The following TCF4 variants were observed in gnomAD, a reference collection of about 807,000 sequenced individuals.
TCF4 encodes the protein transcription factor 4.
TCF4 carries 3 observed loss-of-function variants against 82.1 expected under a neutral mutation model. The ratio of observed to expected loss-of-function variants is 0.04; its 90% CI spans 0.02 to 0.09. TCF4 has a LOEUF of 0.09. TCF4 is among the 10% of genes least tolerant of loss of function. TCF4 has a pLI of 1.00. For missense variants in TCF4, 518 were observed against 852.7 expected (o/e 0.61, Z 4.89); for synonymous variants, 276 against 309.6 (o/e 0.89, Z 1.14).
chr18:55,630,687 T>A lies in TCF4; in HGVS notation c.286+611A>T, dbSNP rs564189488. Among the ~76,000 whole-genome samples the A allele has an allele frequency of 9.2e-5, 14 of 152,350 alleles. No individual in the cohort carries two copies. In the South Asian group the frequency reaches 2.9e-3, roughly 32 times the overall value. On this transcript the variant is annotated intron_variant, in intron 2 of 20. Transcript: ENST00000398339. ...TATGCCTCTTTTCTTTTGGAGTTTA[T>A]AACCCCAAAGAGGAGGCTTTACCAA...
intron 8 of TCF4, among the ~76,000 whole-genome samples, chr18:55,349,289 T>C (rs1007820871): frequency 3.4e-4 from 51 of 152,168 alleles, no homozygotes; most frequent in African/African-American, 1.2e-3. Context: ...AATAATTGTT[T>C]GGATGAGCTG....
At chr18:55,322,405 G>C (rs1184543370) in intron 8 of TCF4, 3 of 1,003,834 alleles carry the variant, frequency 3.0e-6, no homozygotes, top group Non-Finnish European at 3.6e-6. Flanking sequence ...TCGGAGAAAG[G>C]GGAGGGAAAG....
intron 3 of TCF4, among the ~76,000 whole-genome samples, chr18:55,476,943 G>C (rs1024822358): frequency 1.3e-5 from 2 of 152,146 alleles, no homozygotes; most frequent in Admixed American, 6.5e-5. Flanking sequence ...GCATGTGCCT[G>C]TGTGTGTAAA....
chr18:55,552,750 G>T (rs891114740), intron 3 of TCF4, among the ~76,000 whole-genome samples: 2 of 152,220 alleles, frequency 1.3e-5, no homozygotes, highest in African/African-American at 4.8e-5. Context: ...GGACTGAACC[G>T]CAGCCTCCCC....
chr18:55,444,700 C>T (rs1226375553), intron 5 of TCF4, among the ~76,000 whole-genome samples: 1 of 152,218 alleles, frequency 6.6e-6, no homozygotes, highest in Non-Finnish European at 1.5e-5. Flanking sequence ...ACTCCCATGA[C>T]TTCAACTATG....
At chr18:55,281,115 A>T (rs548048179) in intron 8 of TCF4, among the ~76,000 whole-genome samples, 2 of 152,204 alleles carry the variant, frequency 1.3e-5, no homozygotes, top group African/African-American at 4.8e-5. Context: ...TGTAATTTTC[A>T]TCACATTTTA....
chr18:55,573,119 C>T (rs926304214), intron 3 of TCF4, among the ~76,000 whole-genome samples: 2 of 152,006 alleles, frequency 1.3e-5, no homozygotes, highest in African/African-American at 2.4e-5. Context: ...CCTGTACCCT[C>T]GCAGAATTGC....
intron 6 of TCF4, among the ~76,000 whole-genome samples, chr18:55,392,462 C>CAAAAAAA (rs772409228): frequency 1.0e-5 from 1 of 95,526 alleles, no homozygotes; most frequent in Admixed American, 1.2e-4. Flanking sequence ...AACAACCCCA[C>CAAAAAAA]AAAAAAAAAA....
intron 3 of TCF4, chr18:55,469,643 C>G (rs2096128625): frequency 6.6e-6 from 1 of 152,166 alleles, no homozygotes; most frequent in African/African-American, 2.4e-5. Flanking sequence ...CCACTTTGCT[C>G]TTGTGGTCAG....
chr18:55,232,788 T>C (rs1360512010), intron 16 of TCF4, 117 bp from the exon 17 acceptor site: 1 of 1,346,884 alleles, frequency 7.4e-7, no homozygotes, highest in African/African-American at 1.4e-5. Context: ...TCTGTCACTT[T>C]TTTTTCCCCC....
intron 8 of TCF4, among the ~76,000 whole-genome samples, chr18:55,314,726 C>T (rs551092494): frequency 4.6e-5 from 7 of 151,762 alleles, no homozygotes; most frequent in African/African-American, 1.2e-4. Flanking sequence ...AATACACACA[C>T]TAGATGGCTG....
At chr18:55,559,179 G>A (rs1360462856) in intron 3 of TCF4, among the ~76,000 whole-genome samples, 2 of 147,298 alleles carry the variant, frequency 1.4e-5, no homozygotes, top group East Asian at 2.0e-4. Context: ...GTAATTGTAA[G>A]TTAGACTTCT....
At chr18:55,430,132 A>G (rs901146376) in intron 5 of TCF4, among the ~76,000 whole-genome samples, 1 of 152,204 alleles carries the variant, frequency 6.6e-6, no homozygotes, top group Non-Finnish European at 1.5e-5. Flanking sequence ...TGATGTCTCC[A>G]GCTGTCAGGG....
At chr18:55,515,261 G>C (rs1218703546) in intron 3 of TCF4, among the ~76,000 whole-genome samples, 1 of 152,076 alleles carries the variant, frequency 6.6e-6, no homozygotes, top group Non-Finnish European at 1.5e-5. Flanking sequence ...TAAAACTCAC[G>C]GAAAAAAATG....
chr18:55,479,820 C>G (rs1280491003), intron 3 of TCF4, among the ~76,000 whole-genome samples: 1 of 152,164 alleles, frequency 6.6e-6, no homozygotes, highest in African/African-American at 2.4e-5. Context: ...CATACCCTGA[C>G]TAATGCATCT....
intron 8 of TCF4, among the ~76,000 whole-genome samples, chr18:55,306,154 T>C (rs1248237339): frequency 2.6e-5 from 4 of 151,984 alleles, no homozygotes; most frequent in African/African-American, 9.7e-5. Flanking sequence ...TTGTTCTACA[T>C]AGAAGATAAA....
intron 2 of TCF4, among the ~76,000 whole-genome samples, chr18:55,617,014 C>T (rs990979744): frequency 6.6e-6 from 1 of 152,016 alleles, no homozygotes; most frequent in African/African-American, 2.4e-5. Context: ...TTGCCAAGAC[C>T]AATATTGTGA....
chr18:55,311,585 T>C (rs912404379), intron 8 of TCF4, among the ~76,000 whole-genome samples: 1 of 152,240 alleles, frequency 6.6e-6, no homozygotes, highest in Admixed American at 6.5e-5. Context: ...TCGAGGAGTA[T>C]CTTCTTTCAA....
Position 55,254,592 on chromosome 18 carries a change from G to T in TCF4, c.1255C>A (p.His419Asn). The stretch of plus-strand genomic sequence containing the variant: ...TTATGAGAAGGTCCAATGATTCCAT[G>T]CATGTCCCCATGACCACCAGGCATA... The part of the protein sequence containing the change: ...TAMPGGHGDM[H>N]GIIGPSHNGA... The change falls in exon 15 of 20, where the codon CAT becomes AAT. Residue 419 changes from histidine (H) to asparagine (N), a missense_variant. Physicochemically the swap from His to Asn is moderately conservative, Grantham distance 68 (BLOSUM62 1). Transcript: ENST00000354452. 1 of 1,613,742 alleles carries T rather than the reference G, an allele frequency of 6.2e-7. No homozygotes were observed. Among genetic ancestry groups the T allele is most frequent in the Non-Finnish European group, 8.5e-7 (1 of 1,179,834 alleles).
Sources: allele counts gnomAD v4.1 joint callset (sites outside exome capture counted in the v4.1 genomes callset), GRCh38; gene constraint gnomAD v4.1.1; transcripts MANE v1.5; gene names NCBI Gene and HGNC (gene_info 2026-07-23, HGNC 2026-07-21).